The following DYM variants were observed in gnomAD, a reference collection of about 807,000 sequenced individuals.
The protein encoded by DYM is dyggve-Melchior-Clausen syndrome protein.
A neutral mutation model predicts 93.1 loss-of-function variants in DYM; 78 were observed. The ratio of observed to expected loss-of-function variants is 0.84; its 90% CI spans 0.70 to 1.01. DYM has a LOEUF of 1.01. DYM is among the 50% of genes least tolerant of loss of function. The pLI is 0.00. For missense variants in DYM, 789 were observed against 845.0 expected, an observed-to-expected ratio of 0.93 and a Z score of 0.82; for synonymous variants, 321 against 319.7, an observed-to-expected ratio of 1.00 and a Z score of -0.04.
rs2070883946 is a variant in DYM at position 49,040,830 on chromosome 18, G to A, written c.*3225C>T. Among the ~76,000 whole-genome samples the A allele has an allele frequency of 6.6e-6, 1 of 152,184 alleles. No individual in the cohort carries two copies. Among genetic ancestry groups the A allele is most frequent in the Non-Finnish European group, 1.5e-5 (1 of 68,038 alleles). On this transcript the variant is annotated 3_prime_UTR_variant, in exon 18 of 18. Coordinates refer to ENST00000675505, the MANE Select transcript of DYM (RefSeq NM_001353214.3). Reference sequence around the variant, plus strand: ...ACCCAATGCAAAACCCTGGCTCCCGGAATCTAAAGGACGAAATGTTGCTTA... The same window carrying A: ...ACCCAATGCAAAACCCTGGCTCCCGAAATCTAAAGGACGAAATGTTGCTTA...
intron 5 of DYM, among the ~76,000 whole-genome samples, chr18:49,373,952 G>C (rs1046084391): frequency 6.6e-6 from 1 of 152,024 alleles, no homozygotes; most frequent in Non-Finnish European, 1.5e-5. Flanking sequence ...ACTAACACAC[G>C]CAAGACACAA....
chr18:49,272,318 T>C lies in DYM; in HGVS notation c.1126-15A>G, dbSNP rs369039415. 1.9e-5 allele frequency: 27 copies of C among 1,451,072 alleles called. No individual in the cohort carries two copies. The African/African-American group carries it at 3.6e-4, about 20-fold the overall frequency. 89.9% of individuals were successfully genotyped at this position (1,451,072 alleles called of 1,614,324 possible). A position where few individuals can be genotyped will look rare whatever the true frequency, so the allele number is the denominator to read the frequency against. On this transcript the variant is annotated splice_polypyrimidine_tract_variant and intron_variant, in intron 10 of 17. Transcript: ENST00000675505. ...ATTGGTAAAACCTAGAGAATAAAAA[T>C]TATAATTGACTATTTCAATACTTCA...
chr18:49,179,448 G>A (rs2089709253), intron 14 of DYM, among the ~76,000 whole-genome samples: 1 of 152,084 alleles, frequency 6.6e-6, no homozygotes, highest in Non-Finnish European at 1.5e-5. Flanking sequence ...CACCTAATGT[G>A]ATTCTACCAT....
chr18:49,113,849 C>G (rs2081657034), intron 16 of DYM, among the ~76,000 whole-genome samples: 1 of 151,970 alleles, frequency 6.6e-6, no homozygotes, highest in Admixed American at 6.6e-5. Context: ...TCCAGTGTGC[C>G]CAGCACTATT....
At chr18:49,190,680 G>A (rs1012788482) in intron 14 of DYM, among the ~76,000 whole-genome samples, 1 of 152,088 alleles carries the variant, frequency 6.6e-6, no homozygotes, top group East Asian at 1.9e-4. Flanking sequence ...GTATAAAAGT[G>A]TACATACAGT....
At chr18:49,413,256 T>C (rs1293995782) in intron 2 of DYM, 1 of 152,174 alleles carries the variant, frequency 6.6e-6, no homozygotes, top group Non-Finnish European at 1.5e-5. Flanking sequence ...TGCTACTCAC[T>C]GTGTGGCTTT....
At chr18:49,047,633 G>C (rs2071779647) in intron 17 of DYM, among the ~76,000 whole-genome samples, 1 of 152,142 alleles carries the variant, frequency 6.6e-6, no homozygotes, top group Non-Finnish European at 1.5e-5. Flanking sequence ...TGCTCTCTGG[G>C]TGTTCCCTAA....
intron 6 of DYM, among the ~76,000 whole-genome samples, chr18:49,350,218 G>A (rs2064987894): frequency 6.6e-6 from 1 of 152,112 alleles, no homozygotes; most frequent in African/African-American, 2.4e-5. Context: ...TCATTGGAGT[G>A]TTGTTTATAA....
chr18:49,378,272 TGA>T (rs1243600798), intron 5 of DYM, among the ~76,000 whole-genome samples: 5 of 152,344 alleles, frequency 3.3e-5, no homozygotes, highest in Admixed American at 2.6e-4. Context: ...CATATTTGTG[TGA>T]GTTTTATTTT....
intron 3 of DYM, among the ~76,000 whole-genome samples, chr18:49,386,532 A>C (rs1255311972): frequency 2.0e-5 from 3 of 152,220 alleles, no homozygotes; most frequent in Non-Finnish European, 4.4e-5. Flanking sequence ...GCCATCAGAC[A>C]ACTCAAATTG....
intron 13 of DYM, among the ~76,000 whole-genome samples, chr18:49,231,055 TTAGA>T (rs2093679097): frequency 6.6e-6 from 1 of 152,216 alleles, no homozygotes; most frequent in African/African-American, 2.4e-5. Flanking sequence ...TATTCATCTT[TTAGA>T]TAGATATATT....
At chr18:49,235,757 C>T (rs151163082) in intron 13 of DYM, among the ~76,000 whole-genome samples, 1 of 125,468 alleles carries the variant, frequency 8.0e-6, no homozygotes, top group East Asian at 2.4e-4. Flanking sequence ...CCAGTAAGTA[C>T]CATATATCAC....
At chr18:49,333,972 A>G in intron 6 of DYM, 119 bp from the exon 7 acceptor site, 1 of 1,109,780 alleles carries the variant, frequency 9.0e-7, no homozygotes, top group Non-Finnish European at 1.3e-6. Context: ...CAGGTTACTG[A>G]AAAATGTTAA....
chr18:49,438,451 T>A (rs1439634737), intron 1 of DYM, among the ~76,000 whole-genome samples: 2 of 152,048 alleles, frequency 1.3e-5, no homozygotes, highest in East Asian at 3.8e-4. Context: ...AGAATCCCCA[T>A]AAAGTAGAAA....
At chr18:49,222,180 A>C (rs2093388442) in intron 13 of DYM, among the ~76,000 whole-genome samples, 1 of 152,088 alleles carries the variant, frequency 6.6e-6, no homozygotes, top group Non-Finnish European at 1.5e-5. Flanking sequence ...ACATACACGG[A>C]ACAGAATAAA....
At chr18:49,083,175 G>C (rs143961080) in intron 17 of DYM, among the ~76,000 whole-genome samples, 149 of 152,300 alleles carry the variant, frequency 9.8e-4, no homozygotes, top group African/African-American at 3.4e-3. Context: ...GTGTAGCTGT[G>C]TTCCAAGAAA....
chr18:49,081,422 C>T lies in DYM; in HGVS notation c.2025+15980G>A, dbSNP rs1183485558. On this transcript the variant is annotated intron_variant, in intron 17 of 17. Transcript: ENST00000675505. Reference sequence around the variant, plus strand: ...AGCAGGCTGAGGCAGGAGAATCAGGCAGGGAGGTCGCCGTGAGCCGAGATG... The same window carrying T: ...AGCAGGCTGAGGCAGGAGAATCAGGTAGGGAGGTCGCCGTGAGCCGAGATG... 2.0e-5 allele frequency among the ~76,000 whole-genome samples: 3 copies of T among 151,840 alleles called. No individual in the cohort carries two copies. The East Asian group carries it at 5.8e-4, about 29-fold the overall frequency.
chr18:49,459,348 C>G (rs1207539864), intron 1 of DYM, among the ~76,000 whole-genome samples: 2 of 152,134 alleles, frequency 1.3e-5, no homozygotes, highest in Admixed American at 6.5e-5. Flanking sequence ...AGAGGATTAT[C>G]TAAAATAAAA....
At chr18:49,264,804 G>C (rs558450052) in intron 11 of DYM, among the ~76,000 whole-genome samples, 145 of 152,296 alleles carry the variant, frequency 9.5e-4, no homozygotes, top group Non-Finnish European at 1.7e-3. Flanking sequence ...CAATTTTAAA[G>C]TTTTGCCTTA....
Sources: allele counts gnomAD v4.1 joint callset (sites outside exome capture counted in the v4.1 genomes callset), GRCh38; gene constraint gnomAD v4.1.1; transcripts MANE v1.5; gene names NCBI Gene and HGNC (gene_info 2026-07-23, HGNC 2026-07-21).